Variants in RELCH observed in about 807,000 individuals in gnomAD.
The protein encoded by RELCH is RAB11 binding and LisH domain, coiled-coil and HEAT repeat containing.
A neutral mutation model predicts 150.3 loss-of-function variants in RELCH; 41 were observed. The observed-to-expected ratio is 0.27, with a 90% CI of 0.21 to 0.35. RELCH has a LOEUF of 0.35. RELCH is among the 10% of genes least tolerant of loss of function. The pLI is 1.00. For synonymous variants in RELCH, 478 were observed against 531.8 expected (o/e 0.90, Z 1.39); for missense variants, 1,092 against 1,467.8 (o/e 0.74, Z 4.18).
chr18:62,274,064 A>G lies in RELCH; in HGVS notation c.2845A>G (p.Lys949Glu). 1 of 1,611,516 alleles carries G rather than the reference A, an allele frequency of 6.2e-7. No homozygotes were observed. Reference sequence around the variant, plus strand: ...ATCTCATGCTCCTCTTGATAGCCTGAAGGCTTCTTTTGTGGAATTGGGGTA... The same window carrying G: ...ATCTCATGCTCCTCTTGATAGCCTGGAGGCTTCTTTTGTGGAATTGGGGTA... The part of the protein sequence containing the change: ...SLSHAPLDSL[K>E]ASFVELGANP... The change falls in exon 21 of 29, where the codon AAG becomes GAG. Residue 949 changes from lysine (K) to glutamate (E), a missense_variant. Physicochemically the swap from Lys to Glu is moderately conservative, Grantham distance 56. Around this residue, in one of 4 missense-constraint regions of RELCH, gnomAD observed 707 missense variants for 1,025.4 expected, o/e 0.69. Coordinates refer to ENST00000644646, the MANE Select transcript of RELCH (RefSeq NM_001346231.2).
rs991933718 is a variant in RELCH, at chr18:62,296,052, A to G, written c.3460-2738A>G. 2.0e-5 allele frequency among the ~76,000 whole-genome samples: 3 copies of G among 152,138 alleles called. No individual in the cohort carries two copies. The South Asian group carries it at 6.2e-4, about 32-fold the overall frequency. On this transcript the variant is annotated intron_variant, in intron 27 of 28. Transcript: ENST00000644646. ...TGTGATATTTTTGTTACTGATTTCT[A>G]TCTTAACTACAGTCAGAGAACAGTC...
At chr18:62,264,309 C>T (rs1844800109) in intron 17 of RELCH, among the ~76,000 whole-genome samples, 164 bp downstream of exon 17, 1 of 152,084 alleles carries the variant, frequency 6.6e-6, no homozygotes, top group Admixed American at 6.6e-5. Flanking sequence ...TGTAATTTAT[C>T]TGAGAAGAAG....
At chr18:62,263,942 C>G (rs2043409346) in intron 16 of RELCH, 47 bp from the exon 17 acceptor site, 1 of 1,544,680 alleles carries the variant, frequency 6.5e-7, no homozygotes, top group African/African-American at 1.4e-5. Context: ...TCTAAGTTCC[C>G]AAAATGCCAA....
At chr18:62,258,816 G>T in intron 15 of RELCH, 140 bp downstream of exon 15, 1 of 536,214 alleles carries the variant, frequency 1.9e-6, no homozygotes, top group Non-Finnish European at 3.1e-6. Context: ...AGATGCTGTT[G>T]GACTGGAGCC....
At chr18:62,266,878 T>A in intron 19 of RELCH, 129 bp downstream of exon 19, 1 of 580,820 alleles carries the variant, frequency 1.7e-6, no homozygotes, top group South Asian at 2.3e-5. Flanking sequence ...ACTTATATTA[T>A]GGAGTTCTTG....
At chr18:62,212,818 G>A (rs894941177) in intron 2 of RELCH, among the ~76,000 whole-genome samples, 1 of 152,142 alleles carries the variant, frequency 6.6e-6, no homozygotes, top group Admixed American at 6.5e-5. Context: ...AATTTAAAAT[G>A]TCATTCCAAT....
chr18:62,307,203 T>C lies in RELCH; in HGVS notation c.*1669T>C, dbSNP rs564588680. On this transcript the variant is annotated 3_prime_UTR_variant, in exon 29 of 29. Transcript: ENST00000644646. Reference sequence around the variant, plus strand: ...GCAAAAAAATGAGAAAAGCCTATATTCATGAGAATATACTAATATTTTGTA... The same window carrying C: ...GCAAAAAAATGAGAAAAGCCTATATCCATGAGAATATACTAATATTTTGTA... 1 of 152,216 alleles carries C rather than the reference T, an allele frequency of 6.6e-6. No homozygotes were observed. Among genetic ancestry groups the C allele is most frequent in the Non-Finnish European group, 1.5e-5 (1 of 67,992 alleles). 9.4% of individuals were successfully genotyped at this position (152,216 alleles called of 1,614,324 possible).
intron 2 of RELCH, among the ~76,000 whole-genome samples, chr18:62,211,692 G>A (rs576421232): frequency 1.3e-5 from 2 of 152,054 alleles, no homozygotes; most frequent in Non-Finnish European, 2.9e-5. Context: ...GGGAAGCTGA[G>A]GTGGGAGGAT....
chr18:62,197,262 G>T (rs2039111584), intron 1 of RELCH, among the ~76,000 whole-genome samples: 1 of 152,126 alleles, frequency 6.6e-6, no homozygotes, highest in Non-Finnish European at 1.5e-5. Flanking sequence ...GCAAGATAAG[G>T]ATATTAATCT....
In RELCH at chr18:62,309,637, G is replaced by A. The variant is rs2045959044; in HGVS notation, c.*4103G>A. 6.6e-6 allele frequency: 1 copy of A among 152,122 alleles called. No homozygotes were observed. Among genetic ancestry groups the A allele is most frequent in the Admixed American group, 6.5e-5 (1 of 15,270 alleles). The allele number at this position is 152,122 out of a possible 1,614,324, so 9.4% of individuals were successfully genotyped here. A position where few individuals can be genotyped will look rare whatever the true frequency, so the allele number is the denominator to read the frequency against. ...AATAATATCTTCAGTTCAGTGTTAT[G>A]AGGAATGTAAACTGTTTGCTTTTCT... is the stretch of plus-strand genomic sequence containing the variant. On this transcript the variant is annotated 3_prime_UTR_variant, in exon 29 of 29. Transcript: ENST00000644646.
At chr18:62,243,701 A>C (rs1010829176) in intron 10 of RELCH, among the ~76,000 whole-genome samples, 1 of 152,114 alleles carries the variant, frequency 6.6e-6, no homozygotes, top group Non-Finnish European at 1.5e-5. Context: ...ATACTTCAAC[A>C]GTGTAGACTT....
chr18:62,279,252 TATATTATTTAAAAG>T (rs2044375390), intron 22 of RELCH, among the ~76,000 whole-genome samples: 1 of 152,206 alleles, frequency 6.6e-6, no homozygotes, highest in Admixed American at 6.5e-5. Context: ...AAGAGAAGGC[TATATTATTTAAAAG>T]ATTAGGAATT....
chr18:62,207,284 CATA>C (rs1363538097), intron 1 of RELCH, among the ~76,000 whole-genome samples: 2 of 152,164 alleles, frequency 1.3e-5, no homozygotes, highest in East Asian at 3.8e-4. Context: ...CTTCTGTCAG[CATA>C]ATGTTTTCAG....
intron 28 of RELCH, among the ~76,000 whole-genome samples, chr18:62,302,766 C>A (rs2045722412): frequency 6.6e-6 from 1 of 152,134 alleles, no homozygotes; most frequent in African/African-American, 2.4e-5. Flanking sequence ...CTCAAGTGAT[C>A]TACCCGTCTT....
intron 22 of RELCH, among the ~76,000 whole-genome samples, chr18:62,279,507 G>A (rs1365232624): frequency 6.6e-6 from 1 of 152,142 alleles, no homozygotes; most frequent in East Asian, 1.9e-4. Context: ...AAATTGCTTA[G>A]ACTCTTTGAC....
intron 25 of RELCH, among the ~76,000 whole-genome samples, chr18:62,282,689 G>A (rs937135675): frequency 6.6e-6 from 1 of 152,048 alleles, no homozygotes; most frequent in African/African-American, 2.4e-5. Flanking sequence ...ACAGAGTCTC[G>A]CTCTGTCACC....
At position 62,275,353 on chromosome 18, in the gene RELCH, GTTT is replaced by G. The variant is rs72266333; in HGVS notation, c.2868-10_2868-8del. 45 of 1,093,310 alleles carry G rather than the reference GTTT, an allele frequency of 4.1e-5. No individual in the cohort carries two copies. The highest frequency in any genetic ancestry group is 6.7e-5 in the African/African-American group (4 of 59,476). 67.7% of individuals were successfully genotyped at this position (1,093,310 alleles called of 1,614,324 possible). On this transcript the variant is annotated intron_variant, in intron 21 of 28. Transcript: ENST00000644646. ...GACTGTGGCTCTCAATTTTAACACT[GTTT>G]TTTTTTTTTTCTTCTAGTGCAAACC...
chr18:62,272,321 T>A (rs2043948602), intron 20 of RELCH, among the ~76,000 whole-genome samples: 2 of 152,270 alleles, frequency 1.3e-5, no homozygotes, highest in South Asian at 4.1e-4. Context: ...TTCTCTCTCT[T>A]TTTTACCCTC....
At chr18:62,213,352 G>T (rs1039734602) in intron 2 of RELCH, among the ~76,000 whole-genome samples, 8 of 151,898 alleles carry the variant, frequency 5.3e-5, no homozygotes, top group East Asian at 1.9e-4. Context: ...AATTGAAGAG[G>T]TTTATTATTA....
Sources: gnomAD v4.1 joint callset for allele counts (sites outside exome capture counted in the v4.1 genomes callset) on GRCh38, gnomAD v4.1.1 for gene constraint, gnomAD v4.1.1 regional missense constraint, MANE v1.5 for transcripts, NCBI Gene and HGNC (gene_info 2026-07-23, HGNC 2026-07-21) for gene names.